ARHGDIB: variants seen among roughly 807,000 people sequenced by gnomAD.
ARHGDIB encodes the protein rho GDP-dissociation inhibitor 2.
ARHGDIB carries 20 observed loss-of-function variants against 22.6 expected under a neutral mutation model. That is an observed-to-expected ratio of 0.88 (90% CI 0.62 to 1.28). The LOEUF (loss-of-function observed/expected upper bound fraction) is 1.28. Ranked by LOEUF, ARHGDIB falls within the 50% of genes most tolerant of loss-of-function variation. The pLI is 0.00. For missense variants in ARHGDIB, 254 were observed against 245.4 expected (o/e 1.04, Z -0.23); for synonymous variants, 114 against 96.1 (o/e 1.19, Z -1.09).
chr12:14,942,451 A>T lies in ARHGDIB; in HGVS notation c.*71T>A. 6.5e-7 allele frequency: 1 copy of T among 1,529,272 alleles called. No individual in the cohort carries two copies. The highest frequency in any genetic ancestry group is 1.1e-5 in the South Asian group (1 of 88,836). 94.7% of individuals were successfully genotyped at this position (1,529,272 alleles called of 1,614,324 possible). A position where few individuals can be genotyped will look rare whatever the true frequency, so the allele number is the denominator to read the frequency against. On this transcript the variant is annotated 3_prime_UTR_variant, in exon 6 of 6. Transcript: ENST00000228945. ...AGGGACCCAGCTGTGGACAGGGAGG[A>T]GGGACAGGGTGCTGAACACGCCTGA...
intron 2 of ARHGDIB, 44 bp downstream of exon 2, chr12:14,950,488 C>T (rs759218680): frequency 3.2e-6 from 5 of 1,543,394 alleles, no homozygotes; most frequent in Non-Finnish European, 4.4e-6. Context: ...GTCTTCTTCC[C>T]TCTCAGCGAT....
intron 1 of ARHGDIB, among the ~76,000 whole-genome samples, chr12:14,957,031 G>A (rs1281555253): frequency 6.6e-6 from 1 of 152,188 alleles, no homozygotes; most frequent in Non-Finnish European, 1.5e-5. Flanking sequence ...CTGAGGACAA[G>A]AAAAGGTAGA....
At chr12:14,956,885 T>C (rs139689460) in intron 1 of ARHGDIB, among the ~76,000 whole-genome samples, 1 of 152,358 alleles carries the variant, frequency 6.6e-6, no homozygotes, top group African/African-American at 2.4e-5. Context: ...AGCATGCATA[T>C]GACATAGCAC....
rs1362417193 is a variant in ARHGDIB at position 14,950,750 on chromosome 12, A to C, written c.-12-26T>G. ...CTGGGAGACAGAATGACAGCCCGTT[A>C]GTCAACAAGTCATGAATATAAAAGA... On this transcript the variant is annotated intron_variant, in intron 1 of 5. Coordinates refer to ENST00000228945, the MANE Select transcript of ARHGDIB (RefSeq NM_001175.7). 2.6e-6 allele frequency: 4 copies of C among 1,551,832 alleles called. No individual in the cohort carries two copies. The Admixed American group carries it at 8.0e-5, about 31-fold the overall frequency.
intron 1 of ARHGDIB, among the ~76,000 whole-genome samples, chr12:14,954,860 C>T (rs1026111314): frequency 4.0e-5 from 6 of 151,852 alleles, no homozygotes; most frequent in Non-Finnish European, 8.8e-5. Flanking sequence ...AGGGTAACTA[C>T]GTGAGATGAT....
At chr12:14,952,963 G>T (rs1332639608) in intron 1 of ARHGDIB, among the ~76,000 whole-genome samples, 1 of 151,988 alleles carries the variant, frequency 6.6e-6, no homozygotes. Context: ...ATGTTGAAAA[G>T]AGAAAGAGAG....
intron 4 of ARHGDIB, among the ~76,000 whole-genome samples, chr12:14,946,014 A>G (rs2120685744): frequency 6.6e-6 from 1 of 152,352 alleles, no homozygotes; most frequent in East Asian, 1.9e-4. Context: ...AAGAAGAATT[A>G]TATTGGTGTA....
intron 1 of ARHGDIB, among the ~76,000 whole-genome samples, chr12:14,955,538 C>T (rs1233690689): frequency 6.6e-6 from 1 of 152,076 alleles, no homozygotes; most frequent in African/African-American, 2.4e-5. Context: ...TTAACATATC[C>T]ATCATCTCAC....
intron 1 of ARHGDIB, among the ~76,000 whole-genome samples, chr12:14,952,582 G>GA (rs1456301864): frequency 1.3e-5 from 2 of 152,156 alleles, no homozygotes; most frequent in Admixed American, 6.5e-5. Flanking sequence ...GAACTGGTTG[G>GA]AAAAAAATGA....
intron 4 of ARHGDIB, among the ~76,000 whole-genome samples, chr12:14,947,429 G>A (rs890487190): frequency 1.3e-4 from 20 of 151,992 alleles, no homozygotes; most frequent in African/African-American, 4.6e-4. Flanking sequence ...TTTTCCTATT[G>A]GTTGATTCAC....
intron 5 of ARHGDIB, among the ~76,000 whole-genome samples, chr12:14,944,381 G>A (rs797020465): frequency 4.0e-5 from 6 of 151,832 alleles, no homozygotes; most frequent in African/African-American, 1.2e-4. Flanking sequence ...GATACACATG[G>A]CACTGGGCAA....
Position 14,949,882 on chromosome 12 carries a change from G to C in ARHGDIB, c.185C>G (p.Pro62Arg), listed in dbSNP as rs544170735. The change falls in exon 3 of 6, where the codon CCG becomes CGG. Residue 62 changes from proline (P) to arginine (R), a missense_variant. Physicochemically the swap from Pro to Arg is moderately radical, Grantham distance 103. Transcript: ENST00000228945. ...GGTGACAACGACATTGGGGGCTTTC[G>C]GATCTGCAGGATCGAAAGGGAATGT... ...LLGDGPVVTD[P>R]KAPNVVVTRL... 3 of 1,612,738 alleles carry C rather than the reference G, an allele frequency of 1.9e-6. No individual in the cohort carries two copies. The East Asian group carries it at 6.7e-5, about 36-fold the overall frequency.
At chr12:14,947,472 A>G (rs1864045404) in intron 4 of ARHGDIB, among the ~76,000 whole-genome samples, 2 of 152,204 alleles carry the variant, frequency 1.3e-5, no homozygotes, top group South Asian at 4.1e-4. Flanking sequence ...ATATTCATGA[A>G]CTATATGCTA....
intron 2 of ARHGDIB, 84 bp downstream of exon 2, chr12:14,950,448 C>T: frequency 7.8e-7 from 1 of 1,277,220 alleles, no homozygotes; most frequent in Non-Finnish European, 1.1e-6. Context: ...GGTCCTCTTC[C>T]CTTTGCTGCT....
chr12:14,949,857 G>A lies in ARHGDIB; in HGVS notation c.210C>T (p.Thr70=), dbSNP rs1163681870. The A allele has an allele frequency of 1.6e-5, 26 of 1,613,556 alleles. No homozygotes were observed. Among genetic ancestry groups the A allele is most frequent in the Non-Finnish European group, 1.9e-5 (23 of 1,179,708 alleles). Residue 70 remains threonine, a synonymous_variant, in exon 3 of 6, where the codon ACC becomes ACT. Transcript: ENST00000228945. ...CACTCTCACAAACCAGGGTGAGCCG[G>A]GTGACAACGACATTGGGGGCTTTCG... is the stretch of plus-strand genomic sequence containing the variant. ...TDPKAPNVVV[T]RLTLVCESAP...
rs1864385477 is a variant in ARHGDIB at position 14,960,336 on chromosome 12, TCTC to T, written c.-13+1198_-13+1200del. Among the ~76,000 whole-genome samples the T allele has an allele frequency of 1.3e-5, 2 of 152,252 alleles. 1 individual carries two copies. Among genetic ancestry groups the T allele is most frequent in the African/African-American group, 4.8e-5 (2 of 41,542 alleles). ...TATTTCAGGTCATACCTAAAGCACT[TCTC>T]CTAATGGTGGCTGAAATTCAGACCT... On this transcript the variant is annotated intron_variant, in intron 1 of 5. Coordinates refer to ENST00000228945, the MANE Select transcript of ARHGDIB (RefSeq NM_001175.7).
At chr12:14,951,296 GC>G in intron 1 of ARHGDIB, 1 of 152,816 alleles carries the variant, frequency 6.5e-6, no homozygotes. Context: ...TATGATACCT[GC>G]CTCAGGTGCC....
chr12:14,951,652 G>T (rs1418936158), intron 1 of ARHGDIB, among the ~76,000 whole-genome samples: 1 of 149,616 alleles, frequency 6.7e-6, no homozygotes, highest in African/African-American at 2.5e-5. Flanking sequence ...GGCATACCCT[G>T]GAGTCTTCCT....
At chr12:14,958,672 A>G (rs888183743) in intron 1 of ARHGDIB, among the ~76,000 whole-genome samples, 2 of 152,228 alleles carry the variant, frequency 1.3e-5, no homozygotes, top group Non-Finnish European at 2.9e-5. Context: ...TATATTCACA[A>G]AAGTTTTAAA....
Sources: gnomAD v4.1 joint callset for allele counts (sites outside exome capture counted in the v4.1 genomes callset) on GRCh38, gnomAD v4.1.1 for gene constraint, MANE v1.5 for transcripts, NCBI Gene and HGNC (gene_info 2026-07-23, HGNC 2026-07-21) for gene names.